Variants in FAM167A observed in about 807,000 individuals in gnomAD.
FAM167A encodes protein FAM167A.
In FAM167A, 23 loss-of-function variants were observed where a neutral mutation model predicts 14.9. The observed-to-expected ratio is 1.55, with a 90% CI of 1.11 to 2.19. The LOEUF is 2.19. Among genes scored for constraint, FAM167A ranks in the 30% most tolerant of loss-of-function variants. The probability of loss-of-function intolerance (pLI) is 0.00; values close to 1 mark genes in which losing one functional copy is unlikely to be tolerated. For synonymous variants in FAM167A, 174 were observed against 117.7 expected, an observed-to-expected ratio of 1.48 and a Z score of -3.10; for missense variants, 401 against 281.5, an observed-to-expected ratio of 1.42 and a Z score of -3.04.
intron 2 of FAM167A, among the ~76,000 whole-genome samples, chr8:11,440,353 T>C (rs563867108): frequency 1.1e-4 from 17 of 152,244 alleles, no homozygotes; most frequent in African/African-American, 4.1e-4. Flanking sequence ...TGAAGGAAAA[T>C]CTGATCTACT....
At chr8:11,424,772 C>A in intron 2 of FAM167A, 136 bp from the exon 3 acceptor site, 11 of 1,285,702 alleles carry the variant, frequency 8.6e-6, no homozygotes, top group African/African-American at 1.5e-5. Flanking sequence ...ACTTTCCCTG[C>A]TCAGGGAGGT....
chr8:11,446,477 C>A (rs1326020171), intron 1 of FAM167A: 12 of 152,054 alleles, frequency 7.9e-5, no homozygotes, highest in African/African-American at 2.9e-4. Flanking sequence ...AGAGATGGGA[C>A]TTAGACAGCA....
chr8:11,460,028 A>C (rs2117143211), intron 1 of FAM167A, among the ~76,000 whole-genome samples: 1 of 152,326 alleles, frequency 6.6e-6, no homozygotes, highest in African/African-American at 2.4e-5. Flanking sequence ...GCACCAGGCC[A>C]GGGACTCATT....
chr8:11,471,864 C>G (rs1807971966), upstream of FAM167A, among the ~76,000 whole-genome samples: 1 of 152,160 alleles, frequency 6.6e-6, no homozygotes, highest in South Asian at 2.1e-4. Context: ...GAAGGCTGCG[C>G]TCTCAGGCTG....
chr8:11,445,477 T>C (rs945731613), intron 1 of FAM167A: 1 of 985,852 alleles, frequency 1.0e-6, no homozygotes, highest in Non-Finnish European at 1.2e-6. Flanking sequence ...AAGAAGGCGG[T>C]GGCACCTGGG....
intron 1 of FAM167A, among the ~76,000 whole-genome samples, chr8:11,472,736 C>T (rs750985748): frequency 5.3e-5 from 8 of 152,094 alleles, no homozygotes; most frequent in Non-Finnish European, 1.0e-4. Context: ...CCAGGGTGGG[C>T]TCTTTTACTA....
upstream of FAM167A, among the ~76,000 whole-genome samples, chr8:11,470,896 C>T (rs1367837801): frequency 1.3e-5 from 2 of 152,104 alleles, no homozygotes; most frequent in South Asian, 2.1e-4. Flanking sequence ...ATGGCTCCTC[C>T]CTGCTCTCAT....
chr8:11,473,901 C>T (rs1033128327), intron 1 of FAM167A, among the ~76,000 whole-genome samples: 1 of 151,954 alleles, frequency 6.6e-6, no homozygotes, highest in Non-Finnish European at 1.5e-5. Context: ...GAGACAGAGT[C>T]TCACTCTGTC....
At chr8:11,450,644 T>G (rs35161715) in intron 1 of FAM167A, among the ~76,000 whole-genome samples, 48,086 of 152,140 alleles carry the variant, frequency 0.32, 8,290 homozygotes, top group East Asian at 0.66. Context: ...AAGCCTTTTA[T>G]GCTGGACCCT....
chr8:11,464,839 C>G (rs955962507), intron 1 of FAM167A, among the ~76,000 whole-genome samples: 6 of 152,186 alleles, frequency 3.9e-5, no homozygotes, highest in Non-Finnish European at 8.8e-5. Context: ...CCTCATTGGC[C>G]TGGGGCTCTG....
intron 1 of FAM167A, among the ~76,000 whole-genome samples, chr8:11,460,889 T>C (rs940443916): frequency 6.6e-6 from 1 of 152,148 alleles, no homozygotes; most frequent in Admixed American, 6.5e-5. Context: ...AAAGAATCTA[T>C]AAAAATACTT....
intron 2 of FAM167A, among the ~76,000 whole-genome samples, chr8:11,439,454 G>A (rs1041902746): frequency 1.3e-5 from 2 of 152,276 alleles, no homozygotes; most frequent in East Asian, 1.9e-4. Flanking sequence ...GGGTTAACAG[G>A]GAGAGGGCAG....
Position 11,444,225 on chromosome 8 carries a change from G to A in FAM167A, c.187C>T (p.Pro63Ser), listed in dbSNP as rs1409571854. 1.9e-6 allele frequency: 3 copies of A among 1,611,924 alleles called. No homozygotes were observed. The African/African-American group carries it at 4.0e-5, about 22-fold the overall frequency. Residue 63 changes from proline (P) to serine (S), a missense_variant, in exon 2 of 3, where the codon CCG becomes TCG. Physicochemically the swap from Pro to Ser is moderately conservative, Grantham distance 74. Coordinates refer to ENST00000284486, the MANE Select transcript of FAM167A (RefSeq NM_053279.3). ...LEEHTWPFPR[P>S]AAEPQASLEE... ...AAGCTCGCCTGTGGCTCCGCAGCCG[G>A]CCTCGGGAAGGGCCAGGTATGCTCC...
At chr8:11,436,541 G>A (rs1454984234) in intron 2 of FAM167A, among the ~76,000 whole-genome samples, 1 of 152,186 alleles carries the variant, frequency 6.6e-6, no homozygotes, top group Non-Finnish European at 1.5e-5. Context: ...CCCCCTAGCA[G>A]GGGCTGTCTC....
chr8:11,443,756 T>G (rs1291585793), intron 2 of FAM167A: 6 of 395,292 alleles, frequency 1.5e-5, no homozygotes, highest in African/African-American at 1.0e-4. Context: ...GGGAGGGGGG[T>G]ACACCTTAAC....
chr8:11,435,564 T>C (rs1215549130), intron 2 of FAM167A, among the ~76,000 whole-genome samples: 2 of 152,194 alleles, frequency 1.3e-5, no homozygotes, highest in Non-Finnish European at 2.9e-5. Flanking sequence ...GGGACAGTCC[T>C]GGAGACCTCA....
intron 2 of FAM167A, among the ~76,000 whole-genome samples, chr8:11,427,325 GGA>G (rs1805243072): frequency 6.6e-6 from 1 of 152,186 alleles, no homozygotes; most frequent in Non-Finnish European, 1.5e-5. Flanking sequence ...TGGTACATAG[GGA>G]CTGGCTTAGT....
chr8:11,429,754 G>C (rs141549479), intron 2 of FAM167A, among the ~76,000 whole-genome samples: 132 of 152,250 alleles, frequency 8.7e-4, no homozygotes, highest in Middle Eastern at 6.8e-3. Flanking sequence ...CACAGCCCTG[G>C]GTTAGAACCC....
At chr8:11,474,453 C>T (rs1012809922) in intron 1 of FAM167A, among the ~76,000 whole-genome samples, 5 of 152,200 alleles carry the variant, frequency 3.3e-5, no homozygotes, top group African/African-American at 1.2e-4. Context: ...CTCCAGAGCA[C>T]TTCCTGGCCC....
Sources: gnomAD v4.1 joint callset for allele counts (sites outside exome capture counted in the v4.1 genomes callset) on GRCh38, gnomAD v4.1.1 for gene constraint, MANE v1.5 for transcripts, NCBI Gene and HGNC (gene_info 2026-07-23, HGNC 2026-07-21) for gene names.